Variants in FSTL4 observed in about 807,000 individuals in gnomAD.
The protein encoded by FSTL4 is follistatin like 4, also known as follistatin-related protein 4.
Under a neutral mutation model 78.2 loss-of-function variants are expected in FSTL4, and 28 were observed. The observed-to-expected ratio is 0.36, with a 90% CI of 0.27 to 0.49. FSTL4 has a LOEUF of 0.49. FSTL4 is among the 20% of genes least tolerant of loss of function. The probability of loss-of-function intolerance (pLI) is 0.98; values close to 1 mark genes in which losing one functional copy is unlikely to be tolerated. For missense variants in FSTL4, 922 were observed against 1,084.9 expected, an observed-to-expected ratio of 0.85 and a Z score of 2.11; for synonymous variants, 422 against 440.5, an observed-to-expected ratio of 0.96 and a Z score of 0.53.
At chr5:133,253,929 C>G (rs919360099) in intron 6 of FSTL4, among the ~76,000 whole-genome samples, 15 of 152,330 alleles carry the variant, frequency 9.8e-5, no homozygotes, top group African/African-American at 3.4e-4. Context: ...TTGGCACCTG[C>G]TGCTCATCCA....
At chr5:133,256,605 T>G (rs1193568183) in intron 6 of FSTL4, 3 of 152,234 alleles carry the variant, frequency 2.0e-5, no homozygotes, top group Non-Finnish European at 2.9e-5. Flanking sequence ...TGGGATCCTT[T>G]CAAATAACTG....
At chr5:133,729,163 C>A in the FSTL4 span, among the ~76,000 whole-genome samples, 1 of 152,170 alleles carries the variant, frequency 6.6e-6, no homozygotes, top group Middle Eastern at 3.4e-3. Context: ...AATAAAAGAA[C>A]CCCATCACAT....
chr5:133,240,308 G>T (rs1751810491), intron 7 of FSTL4, among the ~76,000 whole-genome samples: 1 of 152,194 alleles, frequency 6.6e-6, no homozygotes, highest in Non-Finnish European at 1.5e-5. Flanking sequence ...ATAATAGACG[G>T]ACTTGCCATC....
At chr5:133,257,626 G>A (rs1028694747) in intron 6 of FSTL4, among the ~76,000 whole-genome samples, 2 of 152,204 alleles carry the variant, frequency 1.3e-5, no homozygotes, top group African/African-American at 4.8e-5. Flanking sequence ...GTATCATGGG[G>A]TGCCACAGTG....
At chr5:133,713,568 G>A in the FSTL4 span, among the ~76,000 whole-genome samples, 91 of 152,340 alleles carry the variant, frequency 6.0e-4, 1 homozygote, top group African/African-American at 1.3e-3. Context: ...AAGAAGCCAT[G>A]AGGTCAAGCT....
At chr5:133,781,769 C>T in the FSTL4 span, among the ~76,000 whole-genome samples, 300 of 152,302 alleles carry the variant, frequency 2.0e-3, 1 homozygote, top group African/African-American at 6.8e-3. Context: ...CCAACAATTA[C>T]GGCAATTCCT....
chr5:133,534,952 C>T (rs534459543), intron 3 of FSTL4, among the ~76,000 whole-genome samples: 1 of 152,258 alleles, frequency 6.6e-6, no homozygotes, highest in South Asian at 2.1e-4. Flanking sequence ...TGAATTGTGC[C>T]CCGCCTAAAA....
chr5:133,816,540 C>T, the FSTL4 span, among the ~76,000 whole-genome samples: 1 of 152,166 alleles, frequency 6.6e-6, no homozygotes, highest in African/African-American at 2.4e-5. Flanking sequence ...CGATCGGCTC[C>T]CAGGCCCTGC....
the FSTL4 span, among the ~76,000 whole-genome samples, chr5:133,735,262 A>G: frequency 1.3e-5 from 2 of 152,218 alleles, no homozygotes; most frequent in African/African-American, 2.4e-5. Flanking sequence ...CAGGAGATCA[A>G]GACCAGCCTG....
At chr5:133,613,585 G>A (rs1308037484), upstream of FSTL4, among the ~76,000 whole-genome samples, 1 of 152,192 alleles carries the variant, frequency 6.6e-6, no homozygotes, top group Non-Finnish European at 1.5e-5. Context: ...TTTTCCTGCC[G>A]CTGAACCCCT....
At chr5:133,812,980 T>A in the FSTL4 span, among the ~76,000 whole-genome samples, 1 of 152,240 alleles carries the variant, frequency 6.6e-6, no homozygotes, top group African/African-American at 2.4e-5. Flanking sequence ...GACAGTTCAG[T>A]GGAAGATGGC....
At chr5:133,751,535 T>A in the FSTL4 span, among the ~76,000 whole-genome samples, 1 of 152,182 alleles carries the variant, frequency 6.6e-6, no homozygotes, top group African/African-American at 2.4e-5. Context: ...AGGAATTAAA[T>A]GTTTTCTTCA....
Position 133,400,940 on chromosome 5 carries a change from G to C in FSTL4, c.207C>G (p.Phe69Leu). ...GCACGCACCGGCTCCCTCGGCTGCA[G>C]AACTTCTTCCCGCAGGAGGCCAGCA... ...NELLASCGKK[F>L]CSRGSRCVLS... Residue 69 changes from phenylalanine (F) to leucine (L), a missense_variant, in exon 4 of 16, where the codon TTC becomes TTG. Coordinates refer to ENST00000265342, the MANE Select transcript of FSTL4 (RefSeq NM_015082.2). 2.5e-6 allele frequency: 4 copies of C among 1,613,412 alleles called. No homozygotes were observed. Among genetic ancestry groups the C allele is most frequent in the Non-Finnish European group, 3.4e-6 (4 of 1,180,028 alleles).
the FSTL4 span, among the ~76,000 whole-genome samples, chr5:133,634,090 C>T: frequency 6.6e-6 from 1 of 152,248 alleles, no homozygotes; most frequent in East Asian, 1.9e-4. Context: ...TCCTCCAATG[C>T]TACCTCAGTG....
chr5:133,802,285 G>A, the FSTL4 span, among the ~76,000 whole-genome samples: 1 of 152,186 alleles, frequency 6.6e-6, no homozygotes, highest in Non-Finnish European at 1.5e-5. Context: ...GAGGTTGATG[G>A]GAACTAAGGA....
chr5:133,199,692 G>C lies in FSTL4; in HGVS notation c.1932C>G (p.Pro644=). 6.2e-7 allele frequency: 1 copy of C among 1,613,718 alleles called. No homozygotes were observed. The highest frequency in any genetic ancestry group is 8.5e-7 in the Non-Finnish European group (1 of 1,179,772). The change falls in exon 16 of 16, where the codon CCC becomes CCG. Residue 644 remains proline, a synonymous_variant. Coordinates refer to ENST00000265342, the MANE Select transcript of FSTL4 (RefSeq NM_015082.2). The surrounding 1 kb of genome is among the most constrained non-coding windows in gnomAD (Gnocchi z 4.4). ...TIGLHHHGCV[P]QAMAHTHLGG... is the part of the protein sequence containing the mutation. Reference sequence around the variant, plus strand: ...CCAGGTGGGTGTGTGCCATGGCCTGGGGCACGCAGCCATGGTGGTGCAGGC... The same window carrying C: ...CCAGGTGGGTGTGTGCCATGGCCTGCGGCACGCAGCCATGGTGGTGCAGGC...
At chr5:133,533,319 C>T (rs1345534539) in intron 3 of FSTL4, among the ~76,000 whole-genome samples, 1 of 152,166 alleles carries the variant, frequency 6.6e-6, no homozygotes, top group South Asian at 2.1e-4. Flanking sequence ...TCTCTGCTCA[C>T]TATAGCCTCA....
intron 4 of FSTL4, among the ~76,000 whole-genome samples, chr5:133,368,035 C>G (rs537744938): frequency 6.6e-6 from 1 of 152,376 alleles, no homozygotes; most frequent in East Asian, 1.9e-4. Context: ...GAAAGATACC[C>G]TTGTCCAAGG....
the FSTL4 span, among the ~76,000 whole-genome samples, chr5:133,776,961 A>G: frequency 6.6e-6 from 1 of 152,130 alleles, no homozygotes; most frequent in Non-Finnish European, 1.5e-5. Flanking sequence ...AATGACCCTC[A>G]GGAGGGCCAT....
Sources: allele counts gnomAD v4.1 joint callset (sites outside exome capture counted in the v4.1 genomes callset), GRCh38; gene constraint gnomAD v4.1.1; non-coding constraint Gnocchi (gnomAD v3.1); transcripts MANE v1.5; gene names NCBI Gene and HGNC (gene_info 2026-07-23, HGNC 2026-07-21).